CTNNA3: variants seen among roughly 807,000 people sequenced by gnomAD.
CTNNA3 encodes catenin alpha-3.
Under a neutral mutation model 95.7 loss-of-function variants are expected in CTNNA3, and 76 were observed. The observed-to-expected ratio is 0.79, with a 90% CI of 0.66 to 0.96. The LOEUF (loss-of-function observed/expected upper bound fraction) is 0.96. CTNNA3 is among the 40% of genes least tolerant of loss of function. The pLI, the probability that CTNNA3 is intolerant of heterozygous loss-of-function variation, is 0.00. For synonymous variants in CTNNA3, 431 were observed against 374.4 expected (o/e 1.15, Z -1.74); for missense variants, 1,191 against 1,089.8 (o/e 1.09, Z -1.31).
chr10:67,055,387 GCAGTCA>G (rs1352735761), intron 7 of CTNNA3, among the ~76,000 whole-genome samples: 2 of 152,158 alleles, frequency 1.3e-5, no homozygotes, highest in Admixed American at 1.3e-4. Flanking sequence ...GACACAGAAA[GCAGTCA>G]TGGACAGAGA....
intron 13 of CTNNA3, among the ~76,000 whole-genome samples, chr10:66,191,925 G>A (rs2086691019): frequency 6.6e-6 from 1 of 152,142 alleles, no homozygotes; most frequent in Non-Finnish European, 1.5e-5. Context: ...TATCACAGGA[G>A]TGGGTTCTTT....
At chr10:66,089,985 G>T (rs2081152457) in intron 14 of CTNNA3, among the ~76,000 whole-genome samples, 1 of 151,880 alleles carries the variant, frequency 6.6e-6, no homozygotes, top group African/African-American at 2.4e-5. Flanking sequence ...TTTAGTAACA[G>T]TAGTTTCTAA....
intron 3 of CTNNA3, among the ~76,000 whole-genome samples, chr10:67,589,928 G>T (rs905009181): frequency 6.6e-6 from 1 of 152,000 alleles, no homozygotes; most frequent in Non-Finnish European, 1.5e-5. Flanking sequence ...TAATATTTTT[G>T]CTTACTATTT....
chr10:66,196,261 T>G (rs145128024), intron 13 of CTNNA3, among the ~76,000 whole-genome samples: 39 of 152,222 alleles, frequency 2.6e-4, no homozygotes, highest in African/African-American at 8.9e-4. Flanking sequence ...AAAGTAGGAA[T>G]CCAAGCTGAT....
intron 9 of CTNNA3, among the ~76,000 whole-genome samples, chr10:66,735,653 T>C (rs1159190418): frequency 2.0e-5 from 3 of 152,202 alleles, no homozygotes; most frequent in Non-Finnish European, 4.4e-5. Context: ...TCAACTCTTC[T>C]GATACCTTTC....
rs567406745 is a variant in CTNNA3 at position 66,845,431 on chromosome 10, C to T, written c.1048-69907G>A. On this transcript the variant is annotated intron_variant, in intron 7 of 17. Transcript: ENST00000433211. ...AAAAATGTGATATATAGGCTGGGTG[C>T]GGTGGCTCACGCCCGTAATCCCAGC... 2.6e-5 allele frequency among the ~76,000 whole-genome samples: 4 copies of T among 152,130 alleles called. No homozygotes were observed. In the East Asian group the frequency reaches 5.8e-4, roughly 22 times the overall value.
At chr10:66,736,695 T>C (rs1010732700) in intron 9 of CTNNA3, among the ~76,000 whole-genome samples, 2 of 152,054 alleles carry the variant, frequency 1.3e-5, no homozygotes. Flanking sequence ...TGACCTAATA[T>C]ATATTTACAA....
chr10:66,126,124 C>G (rs987821697), intron 13 of CTNNA3, among the ~76,000 whole-genome samples: 11 of 152,118 alleles, frequency 7.2e-5, no homozygotes, highest in Admixed American at 2.6e-4. Context: ...AGTTGCTGAT[C>G]TAATAAACTT....
chr10:66,010,292 T>C (rs927314112), intron 15 of CTNNA3, among the ~76,000 whole-genome samples: 1 of 152,118 alleles, frequency 6.6e-6, no homozygotes. Context: ...TCATTTCAGA[T>C]GCTGGATATT....
intron 9 of CTNNA3, among the ~76,000 whole-genome samples, chr10:66,727,798 A>G (rs780694421): frequency 1.3e-5 from 2 of 152,170 alleles, no homozygotes; most frequent in Non-Finnish European, 2.9e-5. Context: ...CCAGTTGTCT[A>G]GGAACAAATG....
At chr10:66,344,353 G>C (rs531504125) in intron 12 of CTNNA3, among the ~76,000 whole-genome samples, 1 of 151,264 alleles carries the variant, frequency 6.6e-6, no homozygotes, top group African/African-American at 2.4e-5. Context: ...TGCAACCTCC[G>C]TCTCCCGGGT....
In CTNNA3 at chr10:67,344,648, G is replaced by A. The variant is rs12263597; in HGVS notation, c.580-124778C>T. 7.5e-3 allele frequency among the ~76,000 whole-genome samples: 1,135 copies of A among 152,088 alleles called. 13 individuals carry two copies. Among genetic ancestry groups the A allele is most frequent in the African/African-American group, 0.026 (1,067 of 41,530 alleles). On this transcript the variant is annotated intron_variant, in intron 5 of 17. Transcript: ENST00000433211. ...CCTTATTAGCTTATAGTTGCTCATA[G>A]TAGCCACTAATGATCCTTTGAATTT...
intron 1 of CTNNA3, among the ~76,000 whole-genome samples, chr10:67,751,642 T>C (rs973486428): frequency 6.6e-6 from 1 of 152,048 alleles, no homozygotes. Flanking sequence ...ATATCATCAA[T>C]GACCCCACAG....
intron 7 of CTNNA3, among the ~76,000 whole-genome samples, chr10:67,054,029 T>C (rs940851777): frequency 6.6e-6 from 1 of 152,122 alleles, no homozygotes; most frequent in Non-Finnish European, 1.5e-5. Context: ...CACTGACCAG[T>C]TTCCTTAATT....
At position 66,191,529 on chromosome 10, in the gene CTNNA3, C is replaced by T. The variant is rs151200958; in HGVS notation, c.1885-88280G>A. ...TTTCTACAGTCCCATAGGTGTACTT[C>T]CGTCATTACTAGCAGCCTCTGCTGT... On this transcript the variant is annotated intron_variant, in intron 13 of 17. Transcript: ENST00000433211. Among the ~76,000 whole-genome samples, 10 of 151,958 alleles carry T rather than the reference C, an allele frequency of 6.6e-5. No individual in the cohort carries two copies. In the East Asian group the frequency reaches 1.2e-3, roughly 18 times the overall value.
intron 3 of CTNNA3, among the ~76,000 whole-genome samples, chr10:67,598,042 A>G (rs185859873): frequency 1.8e-3 from 267 of 152,292 alleles, no homozygotes; most frequent in African/African-American, 6.0e-3. Flanking sequence ...GGCTGGGCAG[A>G]CAGAGGAGCA....
chr10:67,074,605 T>C (rs2147887), intron 7 of CTNNA3, among the ~76,000 whole-genome samples: 96,180 of 151,432 alleles, frequency 0.64, 32,158 homozygotes, highest in African/African-American at 0.86. Flanking sequence ...CCACCTCGGG[T>C]TCCCAAAGTG....
intron 16 of CTNNA3, among the ~76,000 whole-genome samples, chr10:65,967,884 T>G (rs1379609517): frequency 6.6e-6 from 1 of 152,186 alleles, no homozygotes; most frequent in Admixed American, 6.6e-5. Context: ...AAGATCTTCA[T>G]TGTAGCATTA....
At chr10:67,092,708 A>G (rs1857727976) in intron 7 of CTNNA3, among the ~76,000 whole-genome samples, 1 of 151,998 alleles carries the variant, frequency 6.6e-6, no homozygotes, top group South Asian at 2.1e-4. Flanking sequence ...GACCATTAGT[A>G]ATTAGTTATT....
Sources: gnomAD v4.1 joint callset for allele counts (sites outside exome capture counted in the v4.1 genomes callset) on GRCh38, gnomAD v4.1.1 for gene constraint, MANE v1.5 for transcripts, NCBI Gene and HGNC (gene_info 2026-07-23, HGNC 2026-07-21) for gene names.